FBXL17: variants seen among roughly 807,000 people sequenced by gnomAD.
FBXL17 encodes the protein F-box/LRR-repeat protein 17.
In FBXL17, 22 loss-of-function variants were observed where a neutral mutation model predicts 66.2. The observed-to-expected ratio is 0.33, with a 90% CI of 0.24 to 0.47. The LOEUF is 0.47. FBXL17 is among the 20% of genes least tolerant of loss of function. FBXL17 has a pLI of 1.00. For missense variants in FBXL17, 878 were observed against 948.2 expected, an observed-to-expected ratio of 0.93 and a Z score of 0.97; for synonymous variants, 474 against 400.5, an observed-to-expected ratio of 1.18 and a Z score of -2.19.
intron 7 of FBXL17, among the ~76,000 whole-genome samples, chr5:107,980,951 T>C (rs1752800747): frequency 6.6e-6 from 1 of 152,000 alleles, no homozygotes; most frequent in South Asian, 2.1e-4. Context: ...GCCAAAATAA[T>C]ATTTTTTAAC....
chr5:107,932,837 A>G (rs1471137674), intron 7 of FBXL17, among the ~76,000 whole-genome samples: 1 of 151,410 alleles, frequency 6.6e-6, no homozygotes, highest in Admixed American at 6.6e-5. Flanking sequence ...TAAGAAATCC[A>G]TCACTGCCAA....
intron 6 of FBXL17, among the ~76,000 whole-genome samples, chr5:108,171,401 A>AT (rs1752601011): frequency 6.6e-6 from 1 of 152,148 alleles, no homozygotes; most frequent in Non-Finnish European, 1.5e-5. Context: ...TGCACTTGCT[A>AT]TCTGTGATCT....
intron 6 of FBXL17, among the ~76,000 whole-genome samples, chr5:108,160,027 G>C (rs1250803934): frequency 2.7e-5 from 4 of 150,860 alleles, no homozygotes; most frequent in Non-Finnish European, 5.9e-5. Flanking sequence ...AAAAAAATTA[G>C]AAAAACCTTA....
intron 8 of FBXL17, among the ~76,000 whole-genome samples, chr5:107,873,181 T>A (rs1198760806): frequency 6.6e-6 from 1 of 152,222 alleles, no homozygotes; most frequent in African/African-American, 2.4e-5. Flanking sequence ...TGAAAGCTGA[T>A]GTAGGATCAA....
At chr5:108,202,218 T>C (rs1222774202) in intron 5 of FBXL17, among the ~76,000 whole-genome samples, 2 of 152,152 alleles carry the variant, frequency 1.3e-5, no homozygotes, top group Non-Finnish European at 2.9e-5. Flanking sequence ...TTAGGACTTT[T>C]ATAAACTGAG....
At chr5:108,277,306 T>C (rs1157876601) in intron 4 of FBXL17, among the ~76,000 whole-genome samples, 1 of 152,178 alleles carries the variant, frequency 6.6e-6, no homozygotes, top group Non-Finnish European at 1.5e-5. Flanking sequence ...TCTGATTTTA[T>C]TGTTATTATT....
At chr5:107,958,003 T>C (rs1042400748) in intron 7 of FBXL17, among the ~76,000 whole-genome samples, 8 of 151,138 alleles carry the variant, frequency 5.3e-5, no homozygotes, top group African/African-American at 1.7e-4. Flanking sequence ...GTCCAAGTAA[T>C]ACATCGTTAA....
chr5:108,381,292 C>T lies in FBXL17; in HGVS notation c.400G>A (p.Ala134Thr), dbSNP rs1580940007. ...TTGCAGCAGGAGGCGGGCGACGAAG[C>T]CGAGGCGGCAGCGGCGGCGGCGGCG... Reference protein sequence around the residue: ...AAAAAAAAASASSPASCCKEL... With the variant: ...AAAAAAAAASTSSPASCCKEL... The change falls in exon 1 of 9, where the codon GCT (alanine) becomes ACT (threonine). Residue 134 changes from alanine (A) to threonine (T), a missense_variant. By Grantham distance (58) the Ala-to-Thr change is moderately conservative. Around this residue, in one of 4 missense-constraint regions of FBXL17, gnomAD observed 605 missense variants for 509.5 expected, o/e 1.19. Coordinates refer to ENST00000542267, the MANE Select transcript of FBXL17 (RefSeq NM_001163315.3). 7 of 1,412,096 alleles carry T rather than the reference C, an allele frequency of 5.0e-6. No homozygotes were observed. In the African/African-American group the frequency reaches 6.0e-5, roughly 12 times the overall value. 87.5% of individuals were successfully genotyped at this position (1,412,096 alleles called of 1,614,324 possible). A position where few individuals can be genotyped will look rare whatever the true frequency, so the allele number is the denominator to read the frequency against.
At chr5:107,885,459 G>C (rs1173461902) in intron 7 of FBXL17, among the ~76,000 whole-genome samples, 1 of 152,140 alleles carries the variant, frequency 6.6e-6, no homozygotes, top group African/African-American at 2.4e-5. Context: ...GTATATACAA[G>C]TTTATTTATT....
intron 6 of FBXL17, among the ~76,000 whole-genome samples, chr5:108,047,152 GC>G (rs1747282985): frequency 6.6e-6 from 1 of 152,216 alleles, no homozygotes. Context: ...TAGCCAGCTG[GC>G]GTGATCTATG....
At position 108,297,456 on chromosome 5, in the gene FBXL17, G is replaced by T. The variant is rs1039040041; in HGVS notation, c.1506+50943C>A. The stretch of plus-strand genomic sequence containing the variant: ...ATGGTGCTCAATCTCCATATATATA[G>T]GAATAAATATCCCAAAAGCATTACC... On this transcript the variant is annotated intron_variant, in intron 4 of 8. Transcript: ENST00000542267. Among the ~76,000 whole-genome samples the T allele has an allele frequency of 5.3e-5, 8 of 151,626 alleles. No individual in the cohort carries two copies. The East Asian group carries it at 1.5e-3, about 29-fold the overall frequency.
At chr5:108,326,730 C>CA (rs1199524863) in intron 4 of FBXL17, among the ~76,000 whole-genome samples, 1 of 152,118 alleles carries the variant, frequency 6.6e-6, no homozygotes, top group Non-Finnish European at 1.5e-5. Flanking sequence ...AAGGTACCAC[C>CA]ATACACTCAC....
At chr5:108,132,514 A>C (rs1402963698) in intron 6 of FBXL17, among the ~76,000 whole-genome samples, 1 of 152,192 alleles carries the variant, frequency 6.6e-6, no homozygotes, top group African/African-American at 2.4e-5. Flanking sequence ...GGAATAAATA[A>C]TATTTTGCTC....
chr5:108,238,417 G>T (rs1464805279), intron 4 of FBXL17, among the ~76,000 whole-genome samples: 1 of 152,210 alleles, frequency 6.6e-6, no homozygotes, highest in Non-Finnish European at 1.5e-5. Context: ...TTACAATTTA[G>T]TAAGAAGGGC....
rs371151501 is a variant in FBXL17 at position 108,095,747 on chromosome 5, G to A, written c.1746-74746C>T. Among the ~76,000 whole-genome samples, 110 of 152,192 alleles carry A rather than the reference G, an allele frequency of 7.2e-4. 1 individual carries two copies. In the South Asian group the frequency reaches 0.02, roughly 28 times the overall value. On this transcript the variant is annotated intron_variant, in intron 6 of 8. Transcript: ENST00000542267. Reference sequence around the variant, plus strand: ...TATTCATAATAAGAACTAATATGATGATAAATGGCATCATTCACAGAGTTT... The same window carrying A: ...TATTCATAATAAGAACTAATATGATAATAAATGGCATCATTCACAGAGTTT...
chr5:108,146,574 C>T (rs1435085684), intron 6 of FBXL17, among the ~76,000 whole-genome samples: 3 of 152,120 alleles, frequency 2.0e-5, no homozygotes, highest in African/African-American at 7.2e-5. Flanking sequence ...TAAACCCTAC[C>T]CAGTCTTTTG....
chr5:108,091,038 A>G (rs1208151091), intron 6 of FBXL17, among the ~76,000 whole-genome samples: 4 of 152,206 alleles, frequency 2.6e-5, no homozygotes, highest in African/African-American at 9.6e-5. Flanking sequence ...TGCTTAAAAG[A>G]AACTCTTCTT....
chr5:108,125,706 A>T (rs1750671557), intron 6 of FBXL17, among the ~76,000 whole-genome samples: 1 of 151,884 alleles, frequency 6.6e-6, no homozygotes. Context: ...ATTTACATAT[A>T]CTCTTCATTA....
intron 2 of FBXL17, 40 bp from the exon 3 acceptor site, chr5:108,365,035 A>C (rs1219950929): frequency 1.4e-6 from 2 of 1,467,470 alleles, no homozygotes; most frequent in Non-Finnish European, 1.9e-6. Flanking sequence ...TTTTGCTAAA[A>C]ATAAAAACGT....
Sources: gnomAD v4.1 joint callset for allele counts (sites outside exome capture counted in the v4.1 genomes callset) on GRCh38, gnomAD v4.1.1 for gene constraint, gnomAD v4.1.1 regional missense constraint, MANE v1.5 for transcripts, NCBI Gene and HGNC (gene_info 2026-07-23, HGNC 2026-07-21) for gene names.